The following CNTNAP1 variants were observed in gnomAD, a reference collection of about 807,000 sequenced individuals.
CNTNAP1 encodes contactin-associated protein 1.
CNTNAP1 carries 80 observed loss-of-function variants against 161.5 expected under a neutral mutation model. The ratio of observed to expected loss-of-function variants is 0.50; its 90% CI spans 0.41 to 0.60. The LOEUF is 0.60. CNTNAP1 is among the 20% of genes least tolerant of loss of function. The pLI is 0.00. For synonymous variants in CNTNAP1, 695 were observed against 733.1 expected (o/e 0.95, Z 0.84); for missense variants, 1,464 against 1,854.8 (o/e 0.79, Z 3.87).
rs1243929065 is a variant in CNTNAP1 at position 42,685,647 on chromosome 17, G to A, written c.715+227G>A. 6.6e-6 allele frequency among the ~76,000 whole-genome samples: 1 copy of A among 152,208 alleles called. No individual in the cohort carries two copies. Among genetic ancestry groups the A allele is most frequent in the Non-Finnish European group, 1.5e-5 (1 of 68,042 alleles). ...ACCACTACACAGAGATGTGACCTCG[G>A]ATGGGGCACTTCCGAGCCTCAGTTC... On this transcript the variant is annotated intron_variant, in intron 5 of 23. Transcript: ENST00000264638. The surrounding 1 kb of genome is among the most constrained non-coding windows in gnomAD (Gnocchi z 5.0).
Position 42,683,692 on chromosome 17 carries a change from G to A in CNTNAP1, c.68-129G>A, listed in dbSNP as rs2052967523. The A allele has an allele frequency of 2.1e-6, 3 of 1,462,402 alleles. No homozygotes were observed. The East Asian group carries it at 7.4e-5, about 36-fold the overall frequency. 90.6% of individuals were successfully genotyped at this position (1,462,402 alleles called of 1,614,324 possible). A position where few individuals can be genotyped will look rare whatever the true frequency, so the allele number is the denominator to read the frequency against. ...GGATTGAATAGATGGCTTTAAGGTAGGGCTGGGTGTGCCTCTGGGGGCGGG... is the reference window on the plus strand; with the variant it reads ...GGATTGAATAGATGGCTTTAAGGTAAGGCTGGGTGTGCCTCTGGGGGCGGG... On this transcript the variant is annotated intron_variant, in intron 1 of 23. Transcript: ENST00000264638.
At chr17:42,683,017 G>A in intron 1 of CNTNAP1, 121 bp downstream of exon 1, 2 of 935,406 alleles carry the variant, frequency 2.1e-6, no homozygotes, top group Non-Finnish European at 3.1e-6. Flanking sequence ...CGCGCCCGCT[G>A]GCTCTCATCT....
Position 42,687,903 on chromosome 17 carries a change from G to A in CNTNAP1, c.1228G>A (p.Val410Met), listed in dbSNP as rs775036363. Residue 410 changes from valine (V) to methionine (M), a missense_variant, in exon 8 of 24, where the codon GTG (valine) becomes ATG (methionine). This residue lies in a region of CNTNAP1 where 1,383 missense variants were observed against 1,765.0 expected (regional missense o/e 0.78). Transcript: ENST00000264638. The surrounding 1 kb of genome is among the most constrained non-coding windows in gnomAD (Gnocchi z 4.7). The part of the protein sequence containing the change: ...FSRLGDGLGH[V>M]ELTLSEGQVN... The stretch of plus-strand genomic sequence containing the variant: ...CCGTCTGGGGGACGGGCTGGGCCAC[G>A]TGGAGCTGACGCTCAGCGAAGGGCA... 1.7e-5 allele frequency: 27 copies of A among 1,614,094 alleles called. No homozygotes were observed. In the South Asian group the frequency reaches 2.9e-4, roughly 17 times the overall value.
chr17:42,687,298 G>C lies in CNTNAP1; in HGVS notation c.1044+252G>C, dbSNP rs2053030227. 3.7e-6 allele frequency: 2 copies of C among 539,660 alleles called. No individual in the cohort carries two copies. Among genetic ancestry groups the C allele is most frequent in the African/African-American group, 3.8e-5 (2 of 53,002 alleles). The allele number at this position is 539,660 out of a possible 1,614,324, so 33.4% of individuals were successfully genotyped here. ...TGAAGAAAGTAAGGCGCAGACACAG[G>C]GAGTGGCTTGTCCAGGGGTCGTGCA... On this transcript the variant is annotated intron_variant, in intron 7 of 23. Transcript: ENST00000264638. The surrounding 1 kb of genome is among the most constrained non-coding windows in gnomAD (Gnocchi z 4.7).
At position 42,683,870 on chromosome 17, in the gene CNTNAP1, C is replaced by A; in HGVS notation, c.117C>A (p.Gly39=). 1 of 1,613,228 alleles carries A rather than the reference C, an allele frequency of 6.2e-7. No individual in the cohort carries two copies. The highest frequency in any genetic ancestry group is 8.5e-7 in the Non-Finnish European group (1 of 1,179,994). ...GTCCCCTGTATGCACGCTCCCTGGG[C>A]GCCTCCTCCTACTACAGTCTCCTTA... The part of the protein sequence containing the change: ...LVGPLYARSL[G]ASSYYSLLTA... Residue 39 remains glycine, a synonymous_variant, in exon 2 of 24, where the codon GGC becomes GGA. Coordinates refer to ENST00000264638, the MANE Select transcript of CNTNAP1 (RefSeq NM_003632.3).
At chr17:42,697,529 C>G (rs2053166599) in intron 21 of CNTNAP1, 25 bp from the exon 22 acceptor site, 1 of 1,613,180 alleles carries the variant, frequency 6.2e-7, no homozygotes, top group East Asian at 2.2e-5. Context: ...CCAAGTCCCT[C>G]TTTCTGGGCC....
rs865820745 is a variant in CNTNAP1 at position 42,685,974 on chromosome 17, C to T, written c.733C>T (p.Pro245Ser). ...HMSLGSSPIQ[P>S]RPGHTTVSAG... ...ACCCTCAGGCAGCAGCCCTATCCAG[C>T]CAAGACCAGGTCACACCACCGTGAG... Residue 245 changes from proline (P) to serine (S), a missense_variant, in exon 6 of 24, where the codon CCA (proline) becomes TCA (serine). Pro to Ser is a moderately conservative substitution (Grantham distance 74). Around this residue, in one of 3 missense-constraint regions of CNTNAP1, gnomAD observed 1,383 missense variants for 1,765.0 expected, o/e 0.78. Transcript: ENST00000264638. This position sits in a 1 kb window ranked among gnomAD's most constrained non-coding sequence, Gnocchi z 5.0. The T allele has an allele frequency of 6.8e-6, 11 of 1,614,158 alleles. No individual in the cohort carries two copies. In the Middle Eastern group the frequency reaches 1.6e-3, roughly 242 times the overall value.
At position 42,687,577 on chromosome 17, in the gene CNTNAP1, G is replaced by C. The variant is rs1480012186; in HGVS notation, c.1045-143G>C. Reference sequence around the variant, plus strand: ...AGATGGACGAGCTTGGAGGGGAAGAGGTCACGTCATGGTTGGAGATCTCAC... The same window carrying C: ...AGATGGACGAGCTTGGAGGGGAAGACGTCACGTCATGGTTGGAGATCTCAC... On this transcript the variant is annotated intron_variant, in intron 7 of 23. Coordinates refer to ENST00000264638, the MANE Select transcript of CNTNAP1 (RefSeq NM_003632.3). The surrounding 1 kb of genome is among the most constrained non-coding windows in gnomAD (Gnocchi z 4.7). The C allele has an allele frequency of 6.3e-6, 7 of 1,108,374 alleles. No individual in the cohort carries two copies. The highest frequency in any genetic ancestry group is 9.1e-6 in the Non-Finnish European group (7 of 767,372). 68.7% of individuals were successfully genotyped at this position (1,108,374 alleles called of 1,614,324 possible).
At chr17:42,696,613 G>A (rs576410769) in intron 20 of CNTNAP1, among the ~76,000 whole-genome samples, 4 of 152,088 alleles carry the variant, frequency 2.6e-5, no homozygotes, top group South Asian at 2.1e-4. Flanking sequence ...GTGAGCCACC[G>A]CGCCCAGCCA....
chr17:42,691,438 A>G lies in CNTNAP1; in HGVS notation c.2271A>G (p.Val757=). The change falls in exon 15 of 24, where the codon GTA becomes GTG. Residue 757 remains valine, a synonymous_variant. Coordinates refer to ENST00000264638, the MANE Select transcript of CNTNAP1 (RefSeq NM_003632.3). This position sits in a 1 kb window ranked among gnomAD's most constrained non-coding sequence, Gnocchi z 4.3. ...TFVDHLPVTQ[V]VIGDTNRSTS... is the part of the protein sequence containing the mutation. ...TGGACCATCTGCCTGTCACTCAGGT[A>G]GTGATAGGGGATACGAACCGCTCCA... 6.2e-7 allele frequency: 1 copy of G among 1,614,088 alleles called. No individual in the cohort carries two copies. Among genetic ancestry groups the G allele is most frequent in the Non-Finnish European group, 8.5e-7 (1 of 1,179,990 alleles).
intron 20 of CNTNAP1, among the ~76,000 whole-genome samples, 172 bp downstream of exon 20, chr17:42,696,324 ATTTT>A (rs36083265): frequency 1.6e-5 from 2 of 127,570 alleles, no homozygotes; most frequent in East Asian, 2.3e-4. Context: ...GACAATAGGC[ATTTT>A]TTTTTTTTTT....
chr17:42,684,193 C>T lies in CNTNAP1; in HGVS notation c.327C>T (p.Asp109=), dbSNP rs115552583. Residue 109 remains aspartate (D), a synonymous_variant, in exon 3 of 24, where the codon GAC becomes GAT. Transcript: ENST00000264638. The part of the protein sequence containing the change: ...RYMLLYGDRV[D]SWTPFYQRGH... ...TGCTACTCTACGGCGACCGAGTGGA[C>T]AGCTGGACACCGTTCTACCAGCGAG... 6.8e-4 allele frequency: 1,101 copies of T among 1,614,016 alleles called. 10 individuals carry two copies. In the African/African-American group the frequency reaches 0.013, roughly 20 times the overall value.
chr17:42,690,563 C>T (rs1476991784), intron 12 of CNTNAP1, among the ~76,000 whole-genome samples, 176 bp from the exon 13 acceptor site: 1 of 151,910 alleles, frequency 6.6e-6, no homozygotes, highest in Non-Finnish European at 1.5e-5. Context: ...GCTTCCTTAC[C>T]CATTCCAGCT....
At position 42,687,039 on chromosome 17, in the gene CNTNAP1, C is replaced by T. The variant is rs755752393; in HGVS notation, c.1037C>T (p.Thr346Ile). Residue 346 changes from threonine to isoleucine, a missense_variant, in exon 7 of 24, where the codon ACC becomes ATC. Around this residue, in one of 3 missense-constraint regions of CNTNAP1, gnomAD observed 1,383 missense variants for 1,765.0 expected, o/e 0.78. Coordinates refer to ENST00000264638, the MANE Select transcript of CNTNAP1 (RefSeq NM_003632.3). The surrounding 1 kb of genome is among the most constrained non-coding windows in gnomAD (Gnocchi z 4.7). ...GCCGTGCGGCGCCATTCCCGGATCA[C>T]CTTCGAGGCCAGTGGGCAGGGGGGT... ...DLAVRRHSRI[T>I]FEGKVAFRCL... The T allele has an allele frequency of 9.9e-6, 16 of 1,612,010 alleles. No individual in the cohort carries two copies. The highest frequency in any genetic ancestry group is 6.7e-5 in the East Asian group (3 of 44,842).
In CNTNAP1 at chr17:42,687,489, TG is replaced by T; in HGVS notation, c.1045-229del. On this transcript the variant is annotated intron_variant, in intron 7 of 23. Transcript: ENST00000264638. This position sits in a 1 kb window ranked among gnomAD's most constrained non-coding sequence, Gnocchi z 4.7. ...AGAGAAGCGGTCGAATCGCAGACGG[TG>T]GAGATCAGCGAGAGCAAGCGAGCAG... 1 of 595,070 alleles carries T rather than the reference TG, an allele frequency of 1.7e-6. No homozygotes were observed. Among genetic ancestry groups the T allele is most frequent in the Non-Finnish European group, 3.0e-6 (1 of 338,718 alleles). 36.9% of individuals were successfully genotyped at this position (595,070 alleles called of 1,614,324 possible). A position where few individuals can be genotyped will look rare whatever the true frequency, so the allele number is the denominator to read the frequency against.
chr17:42,687,629 G>T lies in CNTNAP1; in HGVS notation c.1045-91G>T. The T allele has an allele frequency of 6.6e-7, 1 of 1,505,000 alleles. No individual in the cohort carries two copies. Among genetic ancestry groups the T allele is most frequent in the African/African-American group, 1.4e-5 (1 of 72,156 alleles). The allele number at this position is 1,505,000 out of a possible 1,614,324, so 93.2% of individuals were successfully genotyped here. A position where few individuals can be genotyped will look rare whatever the true frequency, so the allele number is the denominator to read the frequency against. ...CCCGCCAACACCGAAGGAGGGCGGT[G>T]ACCAGGGTCTTAGACCGGTGTGAAA... On this transcript the variant is annotated intron_variant, in intron 7 of 23. Transcript: ENST00000264638. The surrounding 1 kb of genome is among the most constrained non-coding windows in gnomAD (Gnocchi z 4.7).
intron 20 of CNTNAP1, 88 bp downstream of exon 20, chr17:42,696,240 TGTA>T: frequency 6.6e-7 from 1 of 1,519,064 alleles, no homozygotes; most frequent in Non-Finnish European, 9.0e-7. Context: ...ACTTAATATT[TGTA>T]GATCACATTT....
At position 42,691,697 on chromosome 17, in the gene CNTNAP1, C is replaced by T. The variant is rs1597808554; in HGVS notation, c.2345-109C>T. The T allele has an allele frequency of 2.2e-6, 3 of 1,363,816 alleles. No homozygotes were observed. In the East Asian group the frequency reaches 6.9e-5, roughly 31 times the overall value. 84.5% of individuals were successfully genotyped at this position (1,363,816 alleles called of 1,614,324 possible). A position where few individuals can be genotyped will look rare whatever the true frequency, so the allele number is the denominator to read the frequency against. On this transcript the variant is annotated intron_variant, in intron 15 of 23. Transcript: ENST00000264638. The surrounding 1 kb of genome is among the most constrained non-coding windows in gnomAD (Gnocchi z 4.3). ...CCACTCCTTAGTCTCCCCTCCGTCA[C>T]CTCAAACCCTCCCCCTTTGCCCAAC...
At chr17:42,690,449 G>A (rs1028948482) in intron 12 of CNTNAP1, among the ~76,000 whole-genome samples, 1 of 151,742 alleles carries the variant, frequency 6.6e-6, no homozygotes. Context: ...ACTTGAACCT[G>A]GGAGGTGGAG....
Sources: allele counts gnomAD v4.1 joint callset (sites outside exome capture counted in the v4.1 genomes callset), GRCh38; gene constraint gnomAD v4.1.1; regional missense constraint gnomAD v4.1.1; non-coding constraint Gnocchi (gnomAD v3.1); transcripts MANE v1.5; gene names NCBI Gene and HGNC (gene_info 2026-07-23, HGNC 2026-07-21).